EPHA6: variants seen among roughly 807,000 people sequenced by gnomAD.
The protein encoded by EPHA6 is ephrin type-A receptor 6.
In EPHA6, 50 loss-of-function variants were observed where a neutral mutation model predicts 112.0. The observed-to-expected ratio is 0.45, with a 90% CI of 0.36 to 0.56. EPHA6 has a LOEUF of 0.56. Ranked by LOEUF, EPHA6 falls within the 20% of genes least tolerant of loss-of-function variation. The pLI is 0.00. For missense variants in EPHA6, 1,280 were observed against 1,417.4 expected, an observed-to-expected ratio of 0.90 and a Z score of 1.56; for synonymous variants, 529 against 490.7, an observed-to-expected ratio of 1.08 and a Z score of -1.03.
intron 3 of EPHA6, among the ~76,000 whole-genome samples, chr3:97,171,753 T>A (rs2076707872): frequency 1.3e-5 from 2 of 152,084 alleles, no homozygotes; most frequent in Admixed American, 1.3e-4. Context: ...CTGTCAATTA[T>A]GATTCCCAGA....
intron 10 of EPHA6, among the ~76,000 whole-genome samples, chr3:97,515,714 A>T (rs1214343344): frequency 1.3e-5 from 2 of 152,198 alleles, no homozygotes; most frequent in Non-Finnish European, 2.9e-5. Context: ...AGTATTCAGT[A>T]AGTGAGTAAT....
chr3:97,418,039 A>C (rs1274605966), intron 6 of EPHA6, among the ~76,000 whole-genome samples: 3 of 152,180 alleles, frequency 2.0e-5, no homozygotes, highest in South Asian at 4.1e-4. Context: ...TACACAAAAC[A>C]ACTATGTTTG....
At chr3:97,512,926 A>G (rs1039466442) in intron 10 of EPHA6, among the ~76,000 whole-genome samples, 5 of 152,106 alleles carry the variant, frequency 3.3e-5, no homozygotes, top group Non-Finnish European at 7.4e-5. Context: ...GCTAGTGCAG[A>G]CATTCTCCCA....
At chr3:97,113,321 G>GT in intron 3 of EPHA6, among the ~76,000 whole-genome samples, 1 of 152,230 alleles carries the variant, frequency 6.6e-6, no homozygotes, top group Non-Finnish European at 1.5e-5. Flanking sequence ...TAAAAGCCAT[G>GT]TAACTGAGCA....
intron 15 of EPHA6, among the ~76,000 whole-genome samples, chr3:97,723,235 C>G (rs1353362580): frequency 6.6e-6 from 1 of 152,158 alleles, no homozygotes; most frequent in Admixed American, 6.5e-5. Context: ...TTTAGGAGAG[C>G]AGCTTTTGCC....
intron 3 of EPHA6, among the ~76,000 whole-genome samples, chr3:97,024,663 C>A (rs1245158378): frequency 6.6e-6 from 1 of 152,110 alleles, no homozygotes; most frequent in African/African-American, 2.4e-5. Flanking sequence ...GTTTTTTTAA[C>A]TCACACTTTC....
intron 5 of EPHA6, among the ~76,000 whole-genome samples, chr3:97,268,458 C>T (rs1206124020): frequency 6.6e-6 from 1 of 152,102 alleles, no homozygotes; most frequent in Non-Finnish European, 1.5e-5. Context: ...TTCTGAGAAA[C>T]TTTATCAGTA....
In EPHA6 at chr3:97,059,898, G is replaced by A. The variant is rs181093964; in HGVS notation, c.1114+71905G>A. Among the ~76,000 whole-genome samples the A allele has an allele frequency of 1.8e-4, 28 of 151,922 alleles. 1 individual carries two copies. Among genetic ancestry groups the A allele is most frequent in the East Asian group, 1.2e-3 (6 of 5,162 alleles). On this transcript the variant is annotated intron_variant, in intron 3 of 17. Coordinates refer to ENST00000389672, the MANE Select transcript of EPHA6 (RefSeq NM_001080448.3). ...TTAGGGATTAGAGGCCGAGGTGGGC[G>A]GATCATGAGGTCAGGAGTTCAAGAT...
chr3:97,413,699 C>A (rs1421595834), intron 6 of EPHA6, among the ~76,000 whole-genome samples: 1 of 151,932 alleles, frequency 6.6e-6, no homozygotes. Context: ...TTCCCTTTGG[C>A]ACGGTGAGTT....
intron 3 of EPHA6, among the ~76,000 whole-genome samples, chr3:97,179,055 A>G (rs1229418835): frequency 2.0e-5 from 3 of 151,776 alleles, no homozygotes; most frequent in African/African-American, 7.3e-5. Flanking sequence ...ATGGTTTGTT[A>G]TTCTTTTCTT....
chr3:96,819,028 T>C (rs2033038396), intron 1 of EPHA6, among the ~76,000 whole-genome samples: 1 of 152,000 alleles, frequency 6.6e-6, no homozygotes, highest in South Asian at 2.1e-4. Flanking sequence ...GTTCCAGCAG[T>C]GATCATCTAA....
intron 15 of EPHA6, among the ~76,000 whole-genome samples, chr3:97,729,104 C>T (rs1353107749): frequency 6.6e-6 from 1 of 151,910 alleles, no homozygotes; most frequent in Non-Finnish European, 1.5e-5. Context: ...AAAAGAAAAT[C>T]TTAGGCTAAA....
intron 7 of EPHA6, 116 bp downstream of exon 7, chr3:97,448,846 G>C (rs78663558): frequency 3.2e-6 from 3 of 945,178 alleles, no homozygotes; most frequent in Non-Finnish European, 4.9e-6. Flanking sequence ...ATGAGATTTT[G>C]TTCATGTAAA....
intron 13 of EPHA6, among the ~76,000 whole-genome samples, chr3:97,623,458 A>T (rs1266314447): frequency 6.6e-6 from 1 of 151,710 alleles, no homozygotes; most frequent in Non-Finnish European, 1.5e-5. Context: ...CACAGATTGG[A>T]TAATTAATAA....
chr3:96,837,676 T>C (rs1270543351), intron 1 of EPHA6, among the ~76,000 whole-genome samples: 1 of 152,124 alleles, frequency 6.6e-6, no homozygotes, highest in Non-Finnish European at 1.5e-5. Flanking sequence ...ATAGCTCATT[T>C]AATCATTTTT....
chr3:97,360,805 T>C (rs188264712), intron 5 of EPHA6, among the ~76,000 whole-genome samples: 6 of 152,330 alleles, frequency 3.9e-5, no homozygotes, highest in African/African-American at 1.4e-4. Flanking sequence ...ATTTATATAG[T>C]ATAAGGAGAA....
chr3:97,248,801 A>G (rs1053836609), intron 5 of EPHA6, among the ~76,000 whole-genome samples: 2 of 152,106 alleles, frequency 1.3e-5, no homozygotes, highest in Non-Finnish European at 2.9e-5. Flanking sequence ...GTCTCTATAT[A>G]TTTATAAACT....
At chr3:97,423,085 A>T (rs1200271995) in intron 6 of EPHA6, among the ~76,000 whole-genome samples, 1 of 152,220 alleles carries the variant, frequency 6.6e-6, no homozygotes, top group Non-Finnish European at 1.5e-5. Context: ...TTCCCTTGAG[A>T]ACCGGAACAA....
chr3:97,499,874 A>G (rs1167784830), intron 10 of EPHA6, among the ~76,000 whole-genome samples: 2 of 152,120 alleles, frequency 1.3e-5, no homozygotes, highest in Non-Finnish European at 2.9e-5. Context: ...CTGTATGTAA[A>G]CTTTATAAAC....
Sources: allele counts gnomAD v4.1 joint callset (sites outside exome capture counted in the v4.1 genomes callset), GRCh38; gene constraint gnomAD v4.1.1; transcripts MANE v1.5; gene names NCBI Gene and HGNC (gene_info 2026-07-23, HGNC 2026-07-21).